The following ARHGEF7 variants were observed in gnomAD, a reference collection of about 807,000 sequenced individuals.
ARHGEF7 encodes the protein PAK-interacting exchange factor beta.
In ARHGEF7, 33 loss-of-function variants were observed where a neutral mutation model predicts 109.8. The ratio of observed to expected loss-of-function variants is 0.30; its 90% CI spans 0.23 to 0.40. The LOEUF (loss-of-function observed/expected upper bound fraction) is 0.40. ARHGEF7 is among the 10% of genes least tolerant of loss of function. ARHGEF7 has a pLI of 1.00. For missense variants in ARHGEF7, 938 were observed against 1,098.5 expected, an observed-to-expected ratio of 0.85 and a Z score of 2.07; for synonymous variants, 458 against 424.6, an observed-to-expected ratio of 1.08 and a Z score of -0.97.
Position 111,170,061 on chromosome 13 carries a change from T to G in ARHGEF7, c.252+16070T>G, listed in dbSNP as rs924314041. Among the ~76,000 whole-genome samples, 42 of 152,174 alleles carry G rather than the reference T, an allele frequency of 2.8e-4. 2 individuals are homozygous for G. The highest frequency in any genetic ancestry group is 1.5e-5 in the Non-Finnish European group (1 of 68,028). ...AGGCCCCTCTGCAGAGGTGACGCTT[T>G]TAGGATTTGCTCTCACAGCCAACGT... On this transcript the variant is annotated intron_variant, in intron 2 of 21. Coordinates refer to ENST00000646102, the MANE Select transcript of ARHGEF7 (RefSeq NM_001354046.2).
rs1281682476 is a variant in ARHGEF7 at position 111,221,393 on chromosome 13, C to CTA, written c.670+3519_670+3520dup. Among the ~76,000 whole-genome samples, 14 of 5,456 alleles carry CTA rather than the reference C, an allele frequency of 2.6e-3. 4 individuals are homozygous for CTA. Among genetic ancestry groups the CTA allele is most frequent in the Non-Finnish European group, 4.4e-3 (8 of 1,810 alleles). The allele number at this position is 5,456 out of a possible 152,430, so 3.6% of individuals were successfully genotyped here. On this transcript the variant is annotated intron_variant, in intron 5 of 21. Coordinates refer to ENST00000646102, the MANE Select transcript of ARHGEF7 (RefSeq NM_001354046.2). ...TATATATATCTATATATATAGATGTCTATATATCTATATATATAGATGTCT... is the reference window on the plus strand; with the variant it reads ...TATATATATCTATATATATAGATGTCTATATATATCTATATATATAGATGTCT...
intron 4 of ARHGEF7, among the ~76,000 whole-genome samples, chr13:111,211,372 C>A (rs1209651152): frequency 6.6e-6 from 1 of 152,080 alleles, no homozygotes; most frequent in Non-Finnish European, 1.5e-5. Flanking sequence ...GCTGTCTCAC[C>A]CGTTCACTGG....
At chr13:111,153,704 C>A (rs1026293799) in intron 1 of ARHGEF7, 6 of 1,315,866 alleles carry the variant, frequency 4.6e-6, no homozygotes, top group Admixed American at 4.3e-5. Context: ...TGGTGCAGCC[C>A]CGGAGGAAGA....
chr13:111,273,466 G>T lies in ARHGEF7; in HGVS notation c.1074-348G>T, dbSNP rs1047681995. Among the ~76,000 whole-genome samples the T allele has an allele frequency of 6.6e-6, 1 of 152,214 alleles. No homozygotes were observed. The highest frequency in any genetic ancestry group is 6.5e-5 in the Admixed American group (1 of 15,286). On this transcript the variant is annotated intron_variant, in intron 9 of 21. Coordinates refer to ENST00000646102, the MANE Select transcript of ARHGEF7 (RefSeq NM_001354046.2). The surrounding 1 kb of genome is among the most constrained non-coding windows in gnomAD (Gnocchi z 4.5). The stretch of plus-strand genomic sequence containing the variant: ...CCACCTTGAGACTCTGAGATTATTG[G>T]AATCCATTCTGGCTCTGAGTGTGCA...
intron 9 of ARHGEF7, among the ~76,000 whole-genome samples, chr13:111,271,432 C>T (rs1453641398): frequency 1.3e-5 from 2 of 152,212 alleles, no homozygotes. Flanking sequence ...CTCATGGGCT[C>T]ATGTCAATGC....
At chr13:111,188,459 A>G (rs1433229957) in intron 2 of ARHGEF7, among the ~76,000 whole-genome samples, 2 of 152,206 alleles carry the variant, frequency 1.3e-5, no homozygotes, top group Admixed American at 6.5e-5. Flanking sequence ...TGTCTGTCAG[A>G]GTCCACTGCT....
chr13:111,168,865 GC>G (rs1696949423), intron 2 of ARHGEF7, among the ~76,000 whole-genome samples: 1 of 152,238 alleles, frequency 6.6e-6, no homozygotes, highest in Non-Finnish European at 1.5e-5. Context: ...GTTTATGGAA[GC>G]CAGGAGTGTT....
At chr13:111,118,490 G>A (rs114352840) in intron 1 of ARHGEF7, among the ~76,000 whole-genome samples, 6 of 152,242 alleles carry the variant, frequency 3.9e-5, no homozygotes, top group South Asian at 2.1e-4. Flanking sequence ...AAAAGTTTTC[G>A]CCTTCTCTGT....
At chr13:111,153,700 A>G (rs1489395020) in intron 1 of ARHGEF7, 51 of 1,306,150 alleles carry the variant, frequency 3.9e-5, no homozygotes, top group Admixed American at 2.1e-4. Flanking sequence ...AGATTGGTGC[A>G]GCCCCGGAGG....
At chr13:111,209,176 T>G (rs3783092) in intron 3 of ARHGEF7, 68,880 of 151,768 alleles carry the variant, frequency 0.45, 16,366 homozygotes, top group South Asian at 0.56. Context: ...CCCAGCAAAG[T>G]TTTTCACAGC....
chr13:111,274,243 TACAA>T, intron 10 of ARHGEF7, among the ~76,000 whole-genome samples: 1 of 152,368 alleles, frequency 6.6e-6, no homozygotes, highest in East Asian at 1.9e-4. Context: ...ATCATCCAGC[TACAA>T]ACAATGTGTG....
At position 111,255,619 on chromosome 13, in the gene ARHGEF7, G is replaced by A. The variant is rs372374003; in HGVS notation, c.950+11325G>A. Among the ~76,000 whole-genome samples, 8 of 152,326 alleles carry A rather than the reference G, an allele frequency of 5.3e-5. No homozygotes were observed. In the South Asian group the frequency reaches 1.5e-3, roughly 28 times the overall value. ...ACTTCAGTTGTGAAAATGTAACTTC[G>A]CACTGGCTTTGGAGGGCCCTGAGTG... On this transcript the variant is annotated intron_variant, in intron 8 of 21. Transcript: ENST00000646102. The surrounding 1 kb of genome is among the most constrained non-coding windows in gnomAD (Gnocchi z 4.1).
chr13:111,221,213 ATGT>A (rs2083864241), intron 5 of ARHGEF7, among the ~76,000 whole-genome samples: 1 of 63,390 alleles, frequency 1.6e-5, no homozygotes, highest in Admixed American at 1.7e-4. Flanking sequence ...ATAGATATAT[ATGT>A]CTATATATAT....
chr13:111,124,908 C>G (rs1008475613), intron 1 of ARHGEF7, among the ~76,000 whole-genome samples: 27 of 152,078 alleles, frequency 1.8e-4, no homozygotes, highest in Admixed American at 7.2e-4. Flanking sequence ...TACAGGTGTG[C>G]GCCACCATGC....
At chr13:111,165,281 T>C (rs2077037354) in intron 2 of ARHGEF7, among the ~76,000 whole-genome samples, 2 of 152,224 alleles carry the variant, frequency 1.3e-5, no homozygotes, top group Admixed American at 1.3e-4. Context: ...TCCTCTCCCT[T>C]TTTGGCCCTT....
chr13:111,167,614 G>T (rs2077230373), intron 2 of ARHGEF7, among the ~76,000 whole-genome samples: 1 of 152,186 alleles, frequency 6.6e-6, no homozygotes, highest in African/African-American at 2.4e-5. Flanking sequence ...TTTAGCCAAT[G>T]TTTTTTCTTA....
intron 1 of ARHGEF7, 155 bp from the exon 2 acceptor site, chr13:111,153,750 G>A (rs915106969): frequency 4.8e-5 from 65 of 1,344,322 alleles, no homozygotes; most frequent in Non-Finnish European, 6.1e-5. Context: ...TGAGCGGGTT[G>A]GCATCTGGGG....
intron 9 of ARHGEF7, among the ~76,000 whole-genome samples, chr13:111,270,945 C>T (rs1595393098): frequency 6.6e-6 from 1 of 152,040 alleles, no homozygotes; most frequent in Non-Finnish European, 1.5e-5. Flanking sequence ...AAGAACTGGG[C>T]GGAGGGGAGG....
chr13:111,265,461 C>T (rs1318318239), intron 8 of ARHGEF7: 1 of 408,390 alleles, frequency 2.4e-6, no homozygotes. Context: ...CTTGCTGATT[C>T]TCCTGACTAT....
Sources: allele counts gnomAD v4.1 joint callset (sites outside exome capture counted in the v4.1 genomes callset), GRCh38; gene constraint gnomAD v4.1.1; non-coding constraint Gnocchi (gnomAD v3.1); transcripts MANE v1.5; gene names NCBI Gene and HGNC (gene_info 2026-07-23, HGNC 2026-07-21).